Variants in CTNNA2 observed in about 807,000 individuals in gnomAD.
CTNNA2 encodes the protein catenin alpha-2.
In CTNNA2, 42 loss-of-function variants were observed where a neutral mutation model predicts 101.0. The ratio of observed to expected loss-of-function variants is 0.42; its 90% CI spans 0.32 to 0.54. CTNNA2 has a LOEUF of 0.54. CTNNA2 is among the 20% of genes least tolerant of loss of function. The pLI is 0.14. For missense variants in CTNNA2, 871 were observed against 1,223.1 expected (o/e 0.71, Z 4.29); for synonymous variants, 450 against 456.4 (o/e 0.99, Z 0.18).
chr2:80,415,482 T>C (rs998192257), intron 8 of CTNNA2, among the ~76,000 whole-genome samples: 1 of 152,186 alleles, frequency 6.6e-6, no homozygotes, highest in Non-Finnish European at 1.5e-5. Flanking sequence ...TAGCCATTAT[T>C]TTCAGTCTTT....
At chr2:80,598,717 C>T (rs1245010512) in intron 15 of CTNNA2, among the ~76,000 whole-genome samples, 2 of 152,130 alleles carry the variant, frequency 1.3e-5, no homozygotes, top group Non-Finnish European at 2.9e-5. Flanking sequence ...AATAAAAATG[C>T]ATGCAATGAT....
At chr2:79,757,768 G>T (rs970005640) in intron 3 of CTNNA2, among the ~76,000 whole-genome samples, 2 of 152,110 alleles carry the variant, frequency 1.3e-5, no homozygotes, top group Non-Finnish European at 2.9e-5. Flanking sequence ...TGGTGCCTGC[G>T]CTGTGCGACC....
At chr2:79,654,867 T>C (rs1681500763) in intron 2 of CTNNA2, among the ~76,000 whole-genome samples, 2 of 152,168 alleles carry the variant, frequency 1.3e-5, no homozygotes, top group Admixed American at 6.5e-5. Flanking sequence ...GATTGTACCC[T>C]GTGGCCTAGG....
intron 9 of CTNNA2, among the ~76,000 whole-genome samples, chr2:80,434,055 T>C (rs982712405): frequency 3.3e-5 from 5 of 152,190 alleles, no homozygotes; most frequent in Non-Finnish European, 1.5e-5. Flanking sequence ...TTCTGAAGAG[T>C]TTCTCACGGT....
intron 2 of CTNNA2, among the ~76,000 whole-genome samples, chr2:79,232,615 A>G (rs970699750): frequency 3.3e-5 from 5 of 152,186 alleles, no homozygotes; most frequent in African/African-American, 7.2e-5. Context: ...TGTGATTGGT[A>G]TCAGTTCTTC....
At chr2:80,640,095 A>G (rs750108203) in intron 18 of CTNNA2, among the ~76,000 whole-genome samples, 1 of 151,968 alleles carries the variant, frequency 6.6e-6, no homozygotes, top group African/African-American at 2.4e-5. Flanking sequence ...GCGAGATAAC[A>G]TCTCAAAAAA....
intron 7 of CTNNA2, among the ~76,000 whole-genome samples, chr2:80,259,729 G>GATTAAT (rs1185783349): frequency 6.6e-6 from 1 of 152,202 alleles, no homozygotes; most frequent in East Asian, 1.9e-4. Context: ...GTGGCAGAAA[G>GATTAAT]ATTAATTAAG....
intron 2 of CTNNA2, among the ~76,000 whole-genome samples, chr2:79,702,460 A>C (rs1685077092): frequency 6.6e-6 from 1 of 152,160 alleles, no homozygotes; most frequent in Admixed American, 6.5e-5. Flanking sequence ...CTTTTACAGA[A>C]AAAAAAGTGT....
chr2:80,037,194 A>G (rs72924605), intron 7 of CTNNA2, among the ~76,000 whole-genome samples: 4,053 of 152,286 alleles, frequency 0.027, 181 homozygotes, highest in African/African-American at 0.093. Context: ...TATGGGTCAC[A>G]AATAGCTTTG....
chr2:79,260,682 G>A (rs1244058756), intron 2 of CTNNA2, among the ~76,000 whole-genome samples: 2 of 152,068 alleles, frequency 1.3e-5, no homozygotes, highest in East Asian at 3.9e-4. Flanking sequence ...AATTTCTGGT[G>A]CCCCGGGTGG....
chr2:80,108,551 C>T lies in CTNNA2; in HGVS notation c.1056+198754C>T, dbSNP rs1440273214. ...ATGCTCATTCAGGATCCTTCTCAAC[C>T]CTGTGTCCCAGGCAAATATTATTGT... is the stretch of plus-strand genomic sequence containing the variant. On this transcript the variant is annotated intron_variant, in intron 7 of 18. Coordinates refer to ENST00000402739, the MANE Select transcript of CTNNA2 (RefSeq NM_001282597.3). Among the ~76,000 whole-genome samples, 4 of 152,184 alleles carry T rather than the reference C, an allele frequency of 2.6e-5. No individual in the cohort carries two copies. In the East Asian group the frequency reaches 5.8e-4, roughly 22 times the overall value.
chr2:80,327,968 T>C (rs1670974871), intron 7 of CTNNA2, among the ~76,000 whole-genome samples: 1 of 152,228 alleles, frequency 6.6e-6, no homozygotes, highest in Non-Finnish European at 1.5e-5. Context: ...TTCTCTGTTT[T>C]CCCACAATTC....
chr2:80,180,981 T>G (rs112400455), intron 7 of CTNNA2, among the ~76,000 whole-genome samples: 2,638 of 152,310 alleles, frequency 0.017, 76 homozygotes, highest in African/African-American at 0.06. Context: ...CAACTTTATG[T>G]TCCTTCCATC....
chr2:80,569,648 T>TTTTTTTTTTTTTTTTTTTTTTTTTC (rs1694392517), intron 12 of CTNNA2, among the ~76,000 whole-genome samples: 1 of 107,816 alleles, frequency 9.3e-6, no homozygotes, highest in African/African-American at 3.2e-5. Context: ...TTTTTTTTTT[T>TTTTTTTTTTTTTTTTTTTTTTTTTC]TTTTTTTTTT....
rs1573118720 is a variant in CTNNA2 at position 79,360,462 on chromosome 2, C to A, written c.-317-13369C>A. ...GGATGAGAAGCAGTAATAGGGGAAA[C>A]AAAGAAATGAGATGAGATTAAGATG... On this transcript the variant is annotated intron_variant, in intron 3 of 21. Coordinates refer to the CTNNA2 transcript ENST00000466387. Among the ~76,000 whole-genome samples the A allele has an allele frequency of 5.3e-5, 8 of 152,208 alleles. No homozygotes were observed. In the South Asian group the frequency reaches 1.7e-3, roughly 32 times the overall value.
intron 7 of CTNNA2, among the ~76,000 whole-genome samples, chr2:80,208,560 AG>A (rs1444829512): frequency 6.6e-6 from 1 of 152,118 alleles, no homozygotes; most frequent in Non-Finnish European, 1.5e-5. Context: ...TGCCTTTGGG[AG>A]GCAGGATTGT....
At chr2:80,567,992 CAG>C (rs1694213334) in intron 12 of CTNNA2, among the ~76,000 whole-genome samples, 1 of 152,136 alleles carries the variant, frequency 6.6e-6, no homozygotes, top group African/African-American at 2.4e-5. Context: ...GAAACACACT[CAG>C]AGTGTGTTGG....
At position 79,793,888 on chromosome 2, in the gene CTNNA2, GCACACACACACA is replaced by G. The variant is rs71385299; in HGVS notation, c.298+49327_298+49338del. Among the ~76,000 whole-genome samples, 5 of 142,726 alleles carry G rather than the reference GCACACACACACA, an allele frequency of 3.5e-5. No homozygotes were observed. In the East Asian group the frequency reaches 8.2e-4, roughly 23 times the overall value. 93.6% of individuals were successfully genotyped at this position (142,726 alleles called of 152,430 possible). On this transcript the variant is annotated intron_variant, in intron 3 of 18. Coordinates refer to ENST00000402739, the MANE Select transcript of CTNNA2 (RefSeq NM_001282597.3). The stretch of plus-strand genomic sequence containing the variant: ...CAATACCACACACACACACACTCAT[GCACACACACACA>G]CACACACACACACACACACAGAAGA...
Position 79,559,449 on chromosome 2 carries a change from G to A in CTNNA2, c.-6+46242G>A, listed in dbSNP as rs183785358. 4.6e-5 allele frequency among the ~76,000 whole-genome samples: 7 copies of A among 151,946 alleles called. No homozygotes were observed. In the East Asian group the frequency reaches 5.8e-4, roughly 13 times the overall value. ...TGAAAGTGAGAAATAACAGAGGCCC[G>A]GCTTCATTTCTGTGTGGAAATGGAG... On this transcript the variant is annotated intron_variant, in intron 1 of 18. Coordinates refer to ENST00000402739, the MANE Select transcript of CTNNA2 (RefSeq NM_001282597.3).
Sources: gnomAD v4.1 joint callset for allele counts (sites outside exome capture counted in the v4.1 genomes callset) on GRCh38, gnomAD v4.1.1 for gene constraint, MANE v1.5 for transcripts, NCBI Gene and HGNC (gene_info 2026-07-23, HGNC 2026-07-21) for gene names.